Variants in DPP9 observed in about 807,000 individuals in gnomAD.
DPP9 encodes the protein dipeptidyl peptidase IV-related protein-2.
Under a neutral mutation model 110.7 loss-of-function variants are expected in DPP9, and 50 were observed. The observed-to-expected ratio is 0.45, with a 90% CI of 0.36 to 0.57. DPP9 has a LOEUF of 0.57. DPP9 is among the 20% of genes least tolerant of loss of function. The pLI is 0.00. For synonymous variants in DPP9, 561 were observed against 514.4 expected, an observed-to-expected ratio of 1.09 and a Z score of -1.23; for missense variants, 1,022 against 1,217.9, an observed-to-expected ratio of 0.84 and a Z score of 2.39.
In DPP9 at chr19:4,694,518, G is replaced by T; in HGVS notation, c.1516+143C>A. ...CCTGCCAGATCATGCAGTCACTGGG[G>T]AAGGCTGGCTTCCTGCCGATCCCTG... On this transcript the variant is annotated intron_variant, in intron 13 of 21. Coordinates refer to ENST00000262960, the MANE Select transcript of DPP9 (RefSeq NM_139159.5). This position sits in a 1 kb window ranked among gnomAD's most constrained non-coding sequence, Gnocchi z 4.0. 9.4e-7 allele frequency: 1 copy of T among 1,066,078 alleles called. No individual in the cohort carries two copies. Among genetic ancestry groups the T allele is most frequent in the Non-Finnish European group, 1.3e-6 (1 of 746,348 alleles). The allele number at this position is 1,066,078 out of a possible 1,614,324, so 66.0% of individuals were successfully genotyped here.
chr19:4,684,454 G>A lies in DPP9; in HGVS notation c.2178+209C>T, dbSNP rs2090386147. ...ACCAGTGTCAGCACAACTTGTCTCTGTCCCTGCAGGGCGCAGCCCAGAGCT... is the reference window on the plus strand; with the variant it reads ...ACCAGTGTCAGCACAACTTGTCTCTATCCCTGCAGGGCGCAGCCCAGAGCT... On this transcript the variant is annotated intron_variant, in intron 18 of 21. Coordinates refer to ENST00000262960, the MANE Select transcript of DPP9 (RefSeq NM_139159.5). This position sits in a 1 kb window ranked among gnomAD's most constrained non-coding sequence, Gnocchi z 4.8. 1 of 604,056 alleles carries A rather than the reference G, an allele frequency of 1.7e-6. No individual in the cohort carries two copies. The highest frequency in any genetic ancestry group is 2.9e-6 in the Non-Finnish European group (1 of 346,586). The allele number at this position is 604,056 out of a possible 1,614,324, so 37.4% of individuals were successfully genotyped here. A position where few individuals can be genotyped will look rare whatever the true frequency, so the allele number is the denominator to read the frequency against.
rs963501227 is a variant in DPP9, at chr19:4,701,447, C to T, written c.1012+580G>A. ...TGCACCACTGTACTCCTGCCTGAGC[C>T]ACAAGGTGAAACCTTGTCTCAAAAA... is the stretch of plus-strand genomic sequence containing the variant. On this transcript the variant is annotated intron_variant, in intron 9 of 21. Coordinates refer to ENST00000262960, the MANE Select transcript of DPP9 (RefSeq NM_139159.5). 5.0e-4 allele frequency among the ~76,000 whole-genome samples: 76 copies of T among 152,244 alleles called. 2 individuals are homozygous for T. The highest frequency in any genetic ancestry group is 1.8e-3 in the African/African-American group (73 of 41,522).
At chr19:4,692,152 G>C (rs2091385582) in intron 13 of DPP9, among the ~76,000 whole-genome samples, 1 of 152,116 alleles carries the variant, frequency 6.6e-6, no homozygotes, top group South Asian at 2.1e-4. Context: ...GCTAGGGCTA[G>C]AGACCAAGGC....
chr19:4,713,466 G>A (rs924483424), intron 4 of DPP9, among the ~76,000 whole-genome samples: 4 of 152,266 alleles, frequency 2.6e-5, no homozygotes, highest in Non-Finnish European at 5.9e-5. Context: ...CGCTGCAGGA[G>A]GAGCTGCGTG....
chr19:4,685,150 C>T lies in DPP9; in HGVS notation c.2032-341G>A, dbSNP rs536255541. Reference sequence around the variant, plus strand: ...GGCACTGCGGGGTGCTGAGAAGCCACTCCAGGCCAGGAGAACTCGCAGTGG... The same window carrying T: ...GGCACTGCGGGGTGCTGAGAAGCCATTCCAGGCCAGGAGAACTCGCAGTGG... On this transcript the variant is annotated intron_variant, in intron 17 of 21. Transcript: ENST00000262960. This position sits in a 1 kb window ranked among gnomAD's most constrained non-coding sequence, Gnocchi z 5.8. 3.1e-5 allele frequency: 17 copies of T among 556,330 alleles called. No individual in the cohort carries two copies. Among genetic ancestry groups the T allele is most frequent in the African/African-American group, 3.0e-4 (16 of 53,862 alleles). 34.5% of individuals were successfully genotyped at this position (556,330 alleles called of 1,614,324 possible).
rs1483585125 is a variant in DPP9 at position 4,675,780 on chromosome 19, ATTTAT to A, written c.*779_*783del. 2.0e-5 allele frequency: 3 copies of A among 152,082 alleles called. No individual in the cohort carries two copies. Among genetic ancestry groups the A allele is most frequent in the Admixed American group, 6.6e-5 (1 of 15,264 alleles). The allele number at this position is 152,082 out of a possible 1,614,324, so 9.4% of individuals were successfully genotyped here. A position where few individuals can be genotyped will look rare whatever the true frequency, so the allele number is the denominator to read the frequency against. On this transcript the variant is annotated 3_prime_UTR_variant, in exon 22 of 22. Transcript: ENST00000262960. ...CCTTGCTTTCTGTCTTTTATTTTTT[ATTTAT>A]TTTGAGACAGAGTTTCGCTCTTGTT...
intron 21 of DPP9, among the ~76,000 whole-genome samples, chr19:4,678,943 C>G (rs1360417032): frequency 6.6e-6 from 1 of 152,110 alleles, no homozygotes; most frequent in Non-Finnish European, 1.5e-5. Flanking sequence ...GCAAGCCGCC[C>G]AACTCTATGC....
Position 4,693,922 on chromosome 19 carries a change from T to A in DPP9, c.1516+739A>T, listed in dbSNP as rs1262288169. ...AGTCCTGCCTGCCCCAGGGCCTTTG[T>A]ACGGGCTGTGGCTCTGCCCAGAGCC... On this transcript the variant is annotated intron_variant, in intron 13 of 21. Coordinates refer to ENST00000262960, the MANE Select transcript of DPP9 (RefSeq NM_139159.5). This position sits in a 1 kb window ranked among gnomAD's most constrained non-coding sequence, Gnocchi z 5.0. 6.6e-6 allele frequency among the ~76,000 whole-genome samples: 1 copy of A among 152,040 alleles called. No individual in the cohort carries two copies. The highest frequency in any genetic ancestry group is 1.9e-4 in the East Asian group (1 of 5,180).
chr19:4,690,801 G>T, intron 14 of DPP9, 77 bp downstream of exon 14: 1 of 1,106,028 alleles, frequency 9.0e-7, no homozygotes, highest in Non-Finnish European at 1.4e-6. Flanking sequence ...GTGTATGCGC[G>T]TGCGTGTGTG....
intron 18 of DPP9, 71 bp from the exon 19 acceptor site, chr19:4,683,700 G>A (rs771856435): frequency 6.2e-7 from 1 of 1,612,474 alleles, no homozygotes. Flanking sequence ...TGACACCTCT[G>A]CTCCTTTCAG....
intron 14 of DPP9, among the ~76,000 whole-genome samples, chr19:4,690,503 C>T (rs1051890508): frequency 6.6e-6 from 1 of 152,196 alleles, no homozygotes; most frequent in East Asian, 1.9e-4. Flanking sequence ...AGCATCATGC[C>T]CCACAACAAG....
rs992040546 is a variant in DPP9, at chr19:4,700,088, C to T, written c.1074+128G>A. 20 of 640,376 alleles carry T rather than the reference C, an allele frequency of 3.1e-5. No homozygotes were observed. The highest frequency in any genetic ancestry group is 6.4e-5 in the South Asian group (2 of 31,270). The allele number at this position is 640,376 out of a possible 1,614,324, so 39.7% of individuals were successfully genotyped here. On this transcript the variant is annotated intron_variant, in intron 10 of 21. Transcript: ENST00000262960. The surrounding 1 kb of genome is among the most constrained non-coding windows in gnomAD (Gnocchi z 4.3). ...AAGGCCTGTGGCTAGGCGGACCGGG[C>T]GGCAGGGCTGGGGCCTGGGGAGTGC... is the stretch of plus-strand genomic sequence containing the variant.
chr19:4,681,345 T>C (rs990917982), intron 20 of DPP9, among the ~76,000 whole-genome samples: 1 of 152,166 alleles, frequency 6.6e-6, no homozygotes, highest in African/African-American at 2.4e-5. Context: ...AGACAGAGTC[T>C]CGCTCTGTTG....
rs1048368471 is a variant in DPP9, at chr19:4,704,175, T to C, written c.556A>G (p.Asn186Asp). 2 of 1,613,888 alleles carry C rather than the reference T, an allele frequency of 1.2e-6. No individual in the cohort carries two copies. Among genetic ancestry groups the C allele is most frequent in the African/African-American group, 2.7e-5 (2 of 74,936 alleles). ...ESGLFLFQAS[N>D]SLFHCRDGGK... ...CCGTCGCGGCAGTGGAAGAGGCTGT[T>C]GCTGGCCTGGAAGAGGAAGAGGCCA... Residue 186 changes from asparagine (N) to aspartate (D), a missense_variant, in exon 6 of 22, where the codon AAC (asparagine) becomes GAC (aspartate). By Grantham distance (23) the Asn-to-Asp change is conservative. Around this residue, in one of 3 missense-constraint regions of DPP9, gnomAD observed 810 missense variants for 920.6 expected, o/e 0.88. Transcript: ENST00000262960. The surrounding 1 kb of genome is among the most constrained non-coding windows in gnomAD (Gnocchi z 6.0).
intron 10 of DPP9, 62 bp from the exon 11 acceptor site, chr19:4,697,713 A>G: frequency 7.1e-7 from 1 of 1,413,722 alleles, no homozygotes; most frequent in Non-Finnish European, 9.9e-7. Context: ...TCGGAGGAGA[A>G]GGCCACTGCG....
rs899708330 is a variant in DPP9, at chr19:4,710,059, G to T, written c.313+4022C>A. 6.6e-6 allele frequency among the ~76,000 whole-genome samples: 1 copy of T among 152,182 alleles called. No individual in the cohort carries two copies. The highest frequency in any genetic ancestry group is 2.4e-5 in the African/African-American group (1 of 41,450). On this transcript the variant is annotated intron_variant, in intron 4 of 21. Coordinates refer to ENST00000262960, the MANE Select transcript of DPP9 (RefSeq NM_139159.5). This position sits in a 1 kb window ranked among gnomAD's most constrained non-coding sequence, Gnocchi z 5.6. ...TTTGAGGCAAGGGCTAGAGGTGACCGCCAAGGGCTGTGGATTTCTGCTGCC... is the reference window on the plus strand; with the variant it reads ...TTTGAGGCAAGGGCTAGAGGTGACCTCCAAGGGCTGTGGATTTCTGCTGCC...
intron 2 of DPP9, 107 bp from the exon 3 acceptor site, chr19:4,720,048 A>C: frequency 1.0e-6 from 1 of 960,658 alleles, no homozygotes; most frequent in South Asian, 1.4e-5. Flanking sequence ...CAGCCCCCCA[A>C]GCCTCCGGGG....
In DPP9 at chr19:4,700,754, C is replaced by A. The variant is rs966939085; in HGVS notation, c.1013-477G>T. ...ACCTGCGCCCTCCGGAGGCCAATGG[C>A]GACAGAATAAGGGACCCAAGAGGCT... On this transcript the variant is annotated intron_variant, in intron 9 of 21. Coordinates refer to ENST00000262960, the MANE Select transcript of DPP9 (RefSeq NM_139159.5). The surrounding 1 kb of genome is among the most constrained non-coding windows in gnomAD (Gnocchi z 4.3). Among the ~76,000 whole-genome samples the A allele has an allele frequency of 2.0e-5, 3 of 152,130 alleles. No individual in the cohort carries two copies.
rs1599959682 is a variant in DPP9, at chr19:4,720,060, G to A, written c.-35-119C>T. Reference sequence around the variant, plus strand: ...AGGCAGCCCCCCAAGCCTCCGGGGAGCACCCTGAAGCCAAGGGCATTCTGA... The same window carrying A: ...AGGCAGCCCCCCAAGCCTCCGGGGAACACCCTGAAGCCAAGGGCATTCTGA... On this transcript the variant is annotated intron_variant, in intron 2 of 21. Coordinates refer to ENST00000262960, the MANE Select transcript of DPP9 (RefSeq NM_139159.5). 7 of 803,562 alleles carry A rather than the reference G, an allele frequency of 8.7e-6. No individual in the cohort carries two copies. The East Asian group carries it at 1.9e-4, about 21-fold the overall frequency. The allele number at this position is 803,562 out of a possible 1,614,324, so 49.8% of individuals were successfully genotyped here. A position where few individuals can be genotyped will look rare whatever the true frequency, so the allele number is the denominator to read the frequency against.
Sources: gnomAD v4.1 joint callset for allele counts (sites outside exome capture counted in the v4.1 genomes callset) on GRCh38, gnomAD v4.1.1 for gene constraint, gnomAD v4.1.1 regional missense constraint, Gnocchi (gnomAD v3.1) non-coding constraint, MANE v1.5 for transcripts, NCBI Gene and HGNC (gene_info 2026-07-23, HGNC 2026-07-21) for gene names.